Variants in AQP4 observed in about 807,000 individuals in gnomAD.
The protein encoded by AQP4 is aquaporin 4, also known as aquaporin-4.
AQP4 carries 18 observed loss-of-function variants against 27.8 expected under a neutral mutation model. The observed-to-expected ratio is 0.65, with a 90% CI of 0.45 to 0.96. The LOEUF is 0.96. AQP4 is among the 40% of genes least tolerant of loss of function. AQP4 has a pLI of 0.00. For synonymous variants in AQP4, 141 were observed against 142.9 expected, an observed-to-expected ratio of 0.99 and a Z score of 0.10; for missense variants, 412 against 408.2, an observed-to-expected ratio of 1.01 and a Z score of -0.08.
At position 26,856,201 on chromosome 18, in the gene AQP4, G is replaced by A. The variant is rs777022912; in HGVS notation, c.*10C>T. ...AAGGAGTCTTGTCTGCTTTCAGTGCGATCTTCTAGTCATACTGAAGACAAT... is the reference window on the plus strand; with the variant it reads ...AAGGAGTCTTGTCTGCTTTCAGTGCAATCTTCTAGTCATACTGAAGACAAT... On this transcript the variant is annotated 3_prime_UTR_variant, in exon 5 of 5. Transcript: ENST00000383168. The A allele has an allele frequency of 5.6e-6, 9 of 1,614,080 alleles. No homozygotes were observed. The highest frequency in any genetic ancestry group is 2.2e-5 in the South Asian group (2 of 91,050).
At chr18:26,861,026 G>T in intron 3 of AQP4, 105 bp downstream of exon 3, 1 of 1,455,006 alleles carries the variant, frequency 6.9e-7, no homozygotes, top group Non-Finnish European at 9.6e-7. Flanking sequence ...GACAGTCATG[G>T]CTGGATACTA....
At chr18:26,865,610 C>A (rs769654264) in intron 1 of AQP4, 48 bp downstream of exon 1, 1 of 1,612,206 alleles carries the variant, frequency 6.2e-7, no homozygotes, top group Non-Finnish European at 8.5e-7. Context: ...GAGACAGTTT[C>A]ATCTTTTGGC....
rs1445461914 is a variant in AQP4 at position 26,852,410 on chromosome 18, T to G, written c.*3801A>C. Reference sequence around the variant, plus strand: ...CAATGGGTTACATAAATTAGACGTATTTTTTAGCTCTTCGATTTTTTTTAA... The same window carrying G: ...CAATGGGTTACATAAATTAGACGTAGTTTTTAGCTCTTCGATTTTTTTTAA... On this transcript the variant is annotated 3_prime_UTR_variant, in exon 5 of 5. Coordinates refer to ENST00000383168, the MANE Select transcript of AQP4 (RefSeq NM_001650.7). The G allele has an allele frequency of 6.4e-6, 1 of 156,958 alleles. No individual in the cohort carries two copies. Among genetic ancestry groups the G allele is most frequent in the African/African-American group, 2.4e-5 (1 of 41,716 alleles). 9.7% of individuals were successfully genotyped at this position (156,958 alleles called of 1,614,324 possible). A position where few individuals can be genotyped will look rare whatever the true frequency, so the allele number is the denominator to read the frequency against.
At chr18:26,861,697 G>A (rs74163677) in intron 2 of AQP4, among the ~76,000 whole-genome samples, 5,213 of 151,208 alleles carry the variant, frequency 0.034, 126 homozygotes, top group East Asian at 0.052. Context: ...AGCCATGTGT[G>A]TTTTTTTTTA....
chr18:26,856,215 A>G lies in AQP4; in HGVS notation c.968T>C (p.Val323Ala). The change falls in exon 5 of 5, where the codon GTA becomes GCA. Residue 323 changes from valine (V) to alanine (A), a missense_variant. Physicochemically the swap from Val to Ala is moderately conservative, Grantham distance 64. Coordinates refer to ENST00000383168, the MANE Select transcript of AQP4 (RefSeq NM_001650.7). ...KDQSGEVLSSV is the reference protein window; with the variant it reads ...KDQSGEVLSSA The stretch of plus-strand genomic sequence containing the variant: ...GCTTTCAGTGCGATCTTCTAGTCAT[A>G]CTGAAGACAATACCTCTCCAGATTG... 1.2e-6 allele frequency: 2 copies of G among 1,614,178 alleles called. No homozygotes were observed. The highest frequency in any genetic ancestry group is 1.7e-6 in the Non-Finnish European group (2 of 1,180,022).
chr18:26,862,090 T>C lies in AQP4; in HGVS notation c.447+92A>G, dbSNP rs1055181801. ...ATTCCCTAGGAGTAAATTAGCTATTTTAGGGATGTGCCTCATGCCACCAAG... is the reference window on the plus strand; with the variant it reads ...ATTCCCTAGGAGTAAATTAGCTATTCTAGGGATGTGCCTCATGCCACCAAG... On this transcript the variant is annotated intron_variant, in intron 2 of 4. Transcript: ENST00000383168. The C allele has an allele frequency of 4.9e-6, 7 of 1,436,704 alleles. No homozygotes were observed. In the South Asian group the frequency reaches 8.1e-5, roughly 17 times the overall value. The allele number at this position is 1,436,704 out of a possible 1,614,324, so 89.0% of individuals were successfully genotyped here. A position where few individuals can be genotyped will look rare whatever the true frequency, so the allele number is the denominator to read the frequency against.
In AQP4 at chr18:26,862,613, A is replaced by G. The variant is rs1179969012; in HGVS notation, c.33-17T>C. On this transcript the variant is annotated splice_polypyrimidine_tract_variant and intron_variant, in intron 1 of 4. Transcript: ENST00000383168. ...CCACACTTACTGAAAAGAGAAACAAATCAGCATCAGAAGCCACTACACCCA... is the reference window on the plus strand; with the variant it reads ...CCACACTTACTGAAAAGAGAAACAAGTCAGCATCAGAAGCCACTACACCCA... The G allele has an allele frequency of 6.2e-7, 1 of 1,613,718 alleles. No homozygotes were observed. Among genetic ancestry groups the G allele is most frequent in the Non-Finnish European group, 8.5e-7 (1 of 1,180,046 alleles).
chr18:26,861,956 C>A, intron 2 of AQP4: 1 of 591,282 alleles, frequency 1.7e-6, no homozygotes, highest in South Asian at 2.1e-5. Context: ...AATTTTCGGG[C>A]CACCTAGATT....
rs758028554 is a variant in AQP4 at position 26,856,334 on chromosome 18, G to A, written c.849C>T (p.Asn283=). The stretch of plus-strand genomic sequence containing the variant: ...GGTCATCCGTCTCTACCTGACTCCT[G>A]TTGTCCTCCACCTCCATGTAGCTTC... The part of the protein sequence containing the change: ...TKGSYMEVED[N]RSQVETDDLI... Residue 283 remains asparagine, a synonymous_variant, in exon 5 of 5, where the codon AAC becomes AAT. Transcript: ENST00000383168. 2 of 1,614,190 alleles carry A rather than the reference G, an allele frequency of 1.2e-6. No homozygotes were observed. The highest frequency in any genetic ancestry group is 1.1e-5 in the South Asian group (1 of 91,084).
At chr18:26,863,523 G>A (rs1299590156) in intron 1 of AQP4, among the ~76,000 whole-genome samples, 1 of 152,164 alleles carries the variant, frequency 6.6e-6, no homozygotes, top group Non-Finnish European at 1.5e-5. Context: ...GGGAGTGGGG[G>A]ATGCTTTTAG....
At chr18:26,857,022 T>C (rs2054857113) in intron 4 of AQP4, among the ~76,000 whole-genome samples, 1 of 152,178 alleles carries the variant, frequency 6.6e-6, no homozygotes, top group South Asian at 2.1e-4. Context: ...TACGTAACTT[T>C]CCAAGTCTTA....
rs774486714 is a variant in AQP4 at position 26,865,660 on chromosome 18, C to G, written c.30G>C (p.Trp10Cys). The G allele has an allele frequency of 1.2e-6, 2 of 1,614,080 alleles. No homozygotes were observed. The highest frequency in any genetic ancestry group is 1.7e-6 in the Non-Finnish European group (2 of 1,180,052). The change falls in exon 1 of 5, where the codon TGG becomes TGC. Residue 10 changes from tryptophan to cysteine, a missense_variant and splice_region_variant. Coordinates refer to ENST00000383168, the MANE Select transcript of AQP4 (RefSeq NM_001650.7). ...CCTTAAGGCAAAGAAGGACTTACCC[C>G]CACCGCCTTGCTGTGGGTCTGTCAC... MSDRPTARR[W>C]GKCGPLCTRE... is the part of the protein sequence containing the mutation.
chr18:26,856,433 A>T lies in AQP4; in HGVS notation c.750T>A (p.Tyr250Ter). 1 of 1,614,212 alleles carries T rather than the reference A, an allele frequency of 6.2e-7. No individual in the cohort carries two copies. Among genetic ancestry groups the T allele is most frequent in the East Asian group, 2.2e-5 (1 of 44,892 alleles). ...TGAATTCAACATCTGGACAGAAGAC[A>T]TACTCATAAAGGCCACCAGCGAGGA... ...GAVLAGGLYEYVFCPDVEFKR... is the reference protein window; with the variant it reads ...GAVLAGGLYE Residue 250 changes from tyrosine (Y) to a stop codon, truncating the protein, a stop_gained, in exon 5 of 5, where the codon TAT (tyrosine) becomes TAA (stop). Transcript: ENST00000383168. LOFTEE classifies it high-confidence loss of function.
intron 4 of AQP4, 126 bp downstream of exon 4, chr18:26,860,646 T>C (rs539511358): frequency 2.4e-6 from 2 of 842,162 alleles, no homozygotes; most frequent in East Asian, 2.5e-5. Flanking sequence ...AAAGATGTAA[T>C]AAAGTGAGGG....
chr18:26,854,626 C>G lies in AQP4; in HGVS notation c.*1585G>C, dbSNP rs1370976392. ...GGTTTAATAGTGGTCCATTATCTCA[C>G]TGCCACAGACACACAACTGCCATTA... On this transcript the variant is annotated 3_prime_UTR_variant, in exon 5 of 5. Transcript: ENST00000383168. 2 of 152,636 alleles carry G rather than the reference C, an allele frequency of 1.3e-5. No individual in the cohort carries two copies. Among genetic ancestry groups the G allele is most frequent in the African/African-American group, 2.4e-5 (1 of 41,438 alleles). The allele number at this position is 152,636 out of a possible 1,614,324, so 9.5% of individuals were successfully genotyped here.
rs928081822 is a variant in AQP4 at position 26,862,229 on chromosome 18, A to G, written c.400T>C (p.Tyr134His). 9 of 1,614,028 alleles carry G rather than the reference A, an allele frequency of 5.6e-6. No homozygotes were observed. In the African/African-American group the frequency reaches 6.7e-5, roughly 12 times the overall value. The stretch of plus-strand genomic sequence containing the variant: ...ACCACACTGGGAGGTGTGACCAGAT[A>G]GAGGATTCCTGCTCCAATGATGGCC... ...LGAIIGAGIL[Y>H]LVTPPSVVGG... is the part of the protein sequence containing the mutation. Residue 134 changes from tyrosine to histidine, a missense_variant, in exon 2 of 5, where the codon TAT becomes CAT. Coordinates refer to ENST00000383168, the MANE Select transcript of AQP4 (RefSeq NM_001650.7).
intron 1 of AQP4, among the ~76,000 whole-genome samples, chr18:26,863,474 C>T (rs2144973519): frequency 6.6e-6 from 1 of 152,294 alleles, no homozygotes; most frequent in South Asian, 2.1e-4. Context: ...GCCTGCCCGC[C>T]GGCCCGGTGC....
In AQP4 at chr18:26,862,249, A is replaced by C; in HGVS notation, c.380T>G (p.Ile127Ser). Reference sequence around the variant, plus strand: ...CAGATAGAGGATTCCTGCTCCAATGATGGCCCCCAGGCACTGGGCTGCGAT... The same window carrying C: ...CAGATAGAGGATTCCTGCTCCAATGCTGGCCCCCAGGCACTGGGCTGCGAT... ...FYIAAQCLGA[I>S]IGAGILYLVT... The change falls in exon 2 of 5, where the codon ATC becomes AGC. Residue 127 changes from isoleucine (I) to serine (S), a missense_variant. Physicochemically the swap from Ile to Ser is moderately radical, Grantham distance 142. Coordinates refer to ENST00000383168, the MANE Select transcript of AQP4 (RefSeq NM_001650.7). The C allele has an allele frequency of 6.2e-7, 1 of 1,614,150 alleles. No individual in the cohort carries two copies.
intron 1 of AQP4, chr18:26,865,170 C>T (rs1018338463): frequency 2.2e-5 from 5 of 222,424 alleles, no homozygotes; most frequent in Admixed American, 2.0e-4. Flanking sequence ...CTCACCCTAG[C>T]GTCACCCATA....
Sources: allele counts gnomAD v4.1 joint callset (sites outside exome capture counted in the v4.1 genomes callset), GRCh38; gene constraint gnomAD v4.1.1; transcripts MANE v1.5; gene names NCBI Gene and HGNC (gene_info 2026-07-23, HGNC 2026-07-21).